Variants in KLF13 observed in about 807,000 individuals in gnomAD.
KLF13 encodes the protein KLF transcription factor 13, also known as Krueppel-like factor 13.
Under a neutral mutation model 16.7 loss-of-function variants are expected in KLF13, and 8 were observed. That is an observed-to-expected ratio of 0.48 (90% CI 0.28 to 0.87). The LOEUF (loss-of-function observed/expected upper bound fraction) is 0.87, where lower values mean the gene tolerates loss of function less well. Ranked by LOEUF, KLF13 falls within the 40% of genes least tolerant of loss-of-function variation. KLF13 has a pLI of 0.10. For synonymous variants in KLF13, 245 were observed against 208.4 expected (o/e 1.18, Z -1.51); for missense variants, 447 against 452.2 (o/e 0.99, Z 0.10).
intron 1 of KLF13, chr15:31,420,448 A>G (rs1331112697): frequency 4.5e-6 from 4 of 884,448 alleles, no homozygotes; most frequent in Non-Finnish European, 7.4e-6. Flanking sequence ...ACCCCAACAT[A>G]GACACCCAGG....
At chr15:31,327,863 T>G (rs2038746403) in intron 1 of KLF13, 74 bp downstream of exon 1, 3 of 1,214,616 alleles carry the variant, frequency 2.5e-6, no homozygotes, top group Non-Finnish European at 3.1e-6. Context: ...GCCCCCGGAG[T>G]CCCCGATGGG....
intron 1 of KLF13, among the ~76,000 whole-genome samples, chr15:31,330,782 A>G (rs1220405196): frequency 1.3e-5 from 2 of 152,268 alleles, no homozygotes; most frequent in Non-Finnish European, 2.9e-5. Context: ...TAATAACACA[A>G]AACCAAGAAA....
chr15:31,334,410 C>T (rs2038890981), intron 1 of KLF13, among the ~76,000 whole-genome samples: 1 of 152,002 alleles, frequency 6.6e-6, no homozygotes, highest in Non-Finnish European at 1.5e-5. Context: ...CACACCTGAA[C>T]CTGTTTTTCT....
chr15:31,327,359 C>T lies in KLF13; in HGVS notation c.147C>T (p.Val49=). ...AVAATPTLPR[V]EERRDGKDSA... is the part of the protein sequence containing the mutation. ...CCGCCACCCCCACGCTGCCCCGCGT[C>T]GAGGAGCGCCGCGACGGTAAGGACA... The change falls in exon 1 of 2, where the codon GTC becomes GTT. Residue 49 remains valine, a synonymous_variant. Transcript: ENST00000307145. The T allele has an allele frequency of 7.8e-7, 1 of 1,277,524 alleles. No individual in the cohort carries two copies. The highest frequency in any genetic ancestry group is 9.9e-7 in the Non-Finnish European group (1 of 1,012,970). The allele number at this position is 1,277,524 out of a possible 1,614,324, so 79.1% of individuals were successfully genotyped here.
chr15:31,423,101 G>GTATATA (rs1188647731), intron 1 of KLF13, among the ~76,000 whole-genome samples: 1 of 77,070 alleles, frequency 1.3e-5, no homozygotes, highest in African/African-American at 4.5e-5. Context: ...GTATATATAC[G>GTATATA]TATACGTATA....
chr15:31,394,567 T>A (rs2039928890), intron 2 of KLF13, among the ~76,000 whole-genome samples: 1 of 152,130 alleles, frequency 6.6e-6, no homozygotes, highest in Admixed American at 6.5e-5. Flanking sequence ...AGATTTTGCT[T>A]ATTTTTTCAA....
At chr15:31,394,349 T>C (rs546720148) in intron 2 of KLF13, among the ~76,000 whole-genome samples, 1 of 152,014 alleles carries the variant, frequency 6.6e-6, no homozygotes, top group East Asian at 1.9e-4. Flanking sequence ...TAGCCTGGCG[T>C]GGTGGCGGGC....
intron 1 of KLF13, among the ~76,000 whole-genome samples, chr15:31,347,210 T>G (rs1595462238): frequency 6.6e-6 from 1 of 152,164 alleles, no homozygotes; most frequent in South Asian, 2.1e-4. Flanking sequence ...GAAAAAGGCT[T>G]CTTTGGCAGG....
At chr15:31,368,410 C>G (rs557160764) in intron 1 of KLF13, among the ~76,000 whole-genome samples, 3 of 152,162 alleles carry the variant, frequency 2.0e-5, no homozygotes, top group African/African-American at 7.2e-5. Flanking sequence ...CTTTAGTTGA[C>G]AAAATTTTTT....
chr15:31,380,687 C>G (rs971276234), downstream of KLF13, among the ~76,000 whole-genome samples: 10 of 152,198 alleles, frequency 6.6e-5, no homozygotes, highest in African/African-American at 1.4e-4. Context: ...TGCTAAAATT[C>G]CTGCCATTGG....
chr15:31,328,441 G>A (rs1450421783), intron 1 of KLF13, among the ~76,000 whole-genome samples: 1 of 152,022 alleles, frequency 6.6e-6, no homozygotes, highest in Non-Finnish European at 1.5e-5. Flanking sequence ...CTCCCCGCCT[G>A]CGGCTCTTTG....
Position 31,336,225 on chromosome 15 carries a change from C to T in KLF13, c.577+8436C>T, listed in dbSNP as rs1304310590. Among the ~76,000 whole-genome samples, 13 of 152,226 alleles carry T rather than the reference C, an allele frequency of 8.5e-5. No homozygotes were observed. The East Asian group carries it at 9.6e-4, about 11-fold the overall frequency. ...GCTTGGGGGGGCCACCATCCTTTCC[C>T]GGTCTGGCCTCGTTGGGGGACACAT... On this transcript the variant is annotated intron_variant, in intron 1 of 1. Coordinates refer to ENST00000307145, the MANE Select transcript of KLF13 (RefSeq NM_015995.4).
intron 1 of KLF13, among the ~76,000 whole-genome samples, chr15:31,359,040 A>G (rs768720802): frequency 1.3e-5 from 2 of 152,160 alleles, no homozygotes; most frequent in Non-Finnish European, 2.9e-5. Context: ...GGAAATGGAA[A>G]TGTCTGTTCT....
intron 1 of KLF13, among the ~76,000 whole-genome samples, chr15:31,333,641 T>C (rs1160159506): frequency 6.6e-6 from 1 of 152,186 alleles, no homozygotes; most frequent in South Asian, 2.1e-4. Flanking sequence ...CTTTAAATAT[T>C]ATATATTATC....
downstream of KLF13, among the ~76,000 whole-genome samples, chr15:31,405,164 C>G (rs7169573): frequency 0.11 from 16,580 of 152,062 alleles, 2,967 homozygotes; most frequent in African/African-American, 0.37. Context: ...CCTTAGAAAA[C>G]AAGAGCCTGC....
intron 1 of KLF13, among the ~76,000 whole-genome samples, chr15:31,428,638 C>T (rs1227060692): frequency 2.0e-5 from 3 of 151,742 alleles, no homozygotes; most frequent in Non-Finnish European, 2.9e-5. Context: ...AACCCCGTCT[C>T]TACTAAAAAA....
At chr15:31,360,129 T>C (rs2039359826) in intron 1 of KLF13, among the ~76,000 whole-genome samples, 1 of 151,976 alleles carries the variant, frequency 6.6e-6, no homozygotes, top group Non-Finnish European at 1.5e-5. Context: ...TAGTGCAGAG[T>C]GTGGCACTGC....
At chr15:31,342,934 G>A (rs762557851) in intron 1 of KLF13, among the ~76,000 whole-genome samples, 2 of 152,232 alleles carry the variant, frequency 1.3e-5, no homozygotes, top group South Asian at 4.1e-4. Flanking sequence ...GGAGAGCATG[G>A]CCTTCCTCGC....
Position 31,375,620 on chromosome 15 carries a change from G to A in KLF13, c.*3321G>A, listed in dbSNP as rs2039629973. Reference sequence around the variant, plus strand: ...GGGGCTCAGCCATCAAGGGGCTGGTGTTGCTCCTGTCCCAGACAAGGAAGC... The same window carrying A: ...GGGGCTCAGCCATCAAGGGGCTGGTATTGCTCCTGTCCCAGACAAGGAAGC... On this transcript the variant is annotated 3_prime_UTR_variant, in exon 2 of 2. Transcript: ENST00000307145. The A allele has an allele frequency of 6.6e-6, 1 of 152,164 alleles. No individual in the cohort carries two copies. Among genetic ancestry groups the A allele is most frequent in the African/African-American group, 2.4e-5 (1 of 41,442 alleles). 9.4% of individuals were successfully genotyped at this position (152,164 alleles called of 1,614,324 possible). A position where few individuals can be genotyped will look rare whatever the true frequency, so the allele number is the denominator to read the frequency against.
Sources: gnomAD v4.1 joint callset for allele counts (sites outside exome capture counted in the v4.1 genomes callset) on GRCh38, gnomAD v4.1.1 for gene constraint, MANE v1.5 for transcripts, NCBI Gene and HGNC (gene_info 2026-07-23, HGNC 2026-07-21) for gene names.